The following MMP21 variants were observed in gnomAD, a reference collection of about 807,000 sequenced individuals.
The protein encoded by MMP21 is matrix metalloproteinase-21.
MMP21 carries 40 observed loss-of-function variants against 47.8 expected under a neutral mutation model. The ratio of observed to expected loss-of-function variants is 0.84; its 90% CI spans 0.65 to 1.09. The LOEUF (loss-of-function observed/expected upper bound fraction) is 1.09, where lower values mean the gene tolerates loss of function less well. Ranked by LOEUF, MMP21 falls within the 50% of genes least tolerant of loss-of-function variation. The probability of loss-of-function intolerance (pLI) is 0.00; values close to 1 mark genes in which losing one functional copy is unlikely to be tolerated. For synonymous variants in MMP21, 341 were observed against 318.0 expected, an observed-to-expected ratio of 1.07 and a Z score of -0.77; for missense variants, 747 against 775.3, an observed-to-expected ratio of 0.96 and a Z score of 0.43.
At chr10:125,771,749 G>A (rs1351988882) in intron 4 of MMP21, among the ~76,000 whole-genome samples, 2 of 152,146 alleles carry the variant, frequency 1.3e-5, no homozygotes, top group African/African-American at 4.8e-5. Flanking sequence ...CTTCCCTTGG[G>A]CCTCGGTACT....
Position 125,774,232 on chromosome 10 carries a change from G to A in MMP21, c.296C>T (p.Pro99Leu). Residue 99 changes from proline to leucine, a missense_variant, in exon 2 of 7, where the codon CCG becomes CTG. Physicochemically the swap from Pro to Leu is moderately conservative, Grantham distance 98. Coordinates refer to ENST00000368808, the MANE Select transcript of MMP21 (RefSeq NM_147191.1). ...VRRFQRANAL[P>L]ASGELDAATL... is the part of the protein sequence containing the mutation. ...GGCCGCGTCCAGCTCCCCGCTGGCC[G>A]GCAGCGCGTTCGCCCGCTGGAACCT... The A allele has an allele frequency of 1.4e-6, 2 of 1,396,724 alleles. No individual in the cohort carries two copies. The highest frequency in any genetic ancestry group is 3.1e-5 in the South Asian group (2 of 65,492). 86.5% of individuals were successfully genotyped at this position (1,396,724 alleles called of 1,614,324 possible).
At chr10:125,767,088 C>G (rs1478934761) in intron 6 of MMP21, 127 bp from the exon 7 acceptor site, 3 of 781,532 alleles carry the variant, frequency 3.8e-6, no homozygotes, top group Non-Finnish European at 5.9e-6. Flanking sequence ...TCTTAATTTT[C>G]CATCATGCTC....
At chr10:125,770,000 T>C (rs1850428134) in intron 5 of MMP21, among the ~76,000 whole-genome samples, 1 of 152,044 alleles carries the variant, frequency 6.6e-6, no homozygotes, top group Non-Finnish European at 1.5e-5. Flanking sequence ...AAAAATTGTT[T>C]TAATTAAGCC....
Position 125,772,668 on chromosome 10 carries a change from A to T in MMP21, c.780T>A (p.Phe260Leu). The T allele has an allele frequency of 6.2e-7, 1 of 1,614,232 alleles. No homozygotes were observed. Among genetic ancestry groups the T allele is most frequent in the Non-Finnish European group, 8.5e-7 (1 of 1,180,044 alleles). The change falls in exon 3 of 7, where the codon TTT becomes TTA. Residue 260 changes from phenylalanine to leucine, a missense_variant. Phe to Leu is a conservative substitution (Grantham distance 22, BLOSUM62 0). Transcript: ENST00000368808. The surrounding 1 kb of genome is among the most constrained non-coding windows in gnomAD (Gnocchi z 5.6). ...GAGGTGTGAAGTGCTCGTCGTCGTC[A>T]AAGTGAATGTCACCTAGGCGCCAGG... ...AHAWRLGDIH[F>L]DDDEHFTPPT...
chr10:125,775,483 C>CA (rs1443442326), intron 1 of MMP21, among the ~76,000 whole-genome samples, 177 bp downstream of exon 1: 2 of 152,366 alleles, frequency 1.3e-5, no homozygotes, highest in East Asian at 1.9e-4. Context: ...AGCATCGATT[C>CA]ATGGTTGTTC....
rs973743640 is a variant in MMP21, at chr10:125,772,496, C to G, written c.837+115G>C. On this transcript the variant is annotated intron_variant, in intron 3 of 6. Transcript: ENST00000368808. This position sits in a 1 kb window ranked among gnomAD's most constrained non-coding sequence, Gnocchi z 5.6. Reference sequence around the variant, plus strand: ...CCGGTGGAACTGGGGAGCCATTCCACGGATTCACCTCCTCAGAGGTTGCGG... The same window carrying G: ...CCGGTGGAACTGGGGAGCCATTCCAGGGATTCACCTCCTCAGAGGTTGCGG... 6.4e-6 allele frequency: 10 copies of G among 1,572,926 alleles called. No homozygotes were observed. Among genetic ancestry groups the G allele is most frequent in the Non-Finnish European group, 4.3e-6 (5 of 1,150,032 alleles).
intron 1 of MMP21, 86 bp from the exon 2 acceptor site, chr10:125,774,451 G>C (rs1398691649): frequency 2.1e-6 from 2 of 936,306 alleles, no homozygotes. Flanking sequence ...GAGAGACAGA[G>C]ACATGGGGAT....
rs1850487612 is a variant in MMP21 at position 125,774,138 on chromosome 10, C to T, written c.390G>A (p.Pro130=). 7.8e-7 allele frequency: 1 copy of T among 1,287,678 alleles called. No individual in the cohort carries two copies. The highest frequency in any genetic ancestry group is 9.8e-7 in the Non-Finnish European group (1 of 1,021,608). 79.8% of individuals were successfully genotyped at this position (1,287,678 alleles called of 1,614,324 possible). A position where few individuals can be genotyped will look rare whatever the true frequency, so the allele number is the denominator to read the frequency against. The change falls in exon 2 of 7, where the codon CCG becomes CCA. Residue 130 remains proline, a synonymous_variant. Transcript: ENST00000368808. The stretch of plus-strand genomic sequence containing the variant: ...TGGGGGGCGGGCCCGGGGGCGAAGG[C>T]GGGGCGGAGGGGGGCGGTGGGCGCA... ...PDMRPPPPSA[P]PSPPGPPPRA...
rs902471083 is a variant in MMP21 at position 125,773,459 on chromosome 10, A to G, written c.697+372T>C. Among the ~76,000 whole-genome samples the G allele has an allele frequency of 3.3e-5, 5 of 152,154 alleles. No homozygotes were observed. Among genetic ancestry groups the G allele is most frequent in the Admixed American group, 2.0e-4 (3 of 15,290 alleles). On this transcript the variant is annotated intron_variant, in intron 2 of 6. Transcript: ENST00000368808. The surrounding 1 kb of genome is among the most constrained non-coding windows in gnomAD (Gnocchi z 4.8). The stretch of plus-strand genomic sequence containing the variant: ...AGGTATTTTGTCCCGCATTTGTCCA[A>G]TTGTAAGACGGAGGTGGTGGCAACT...
Position 125,772,735 on chromosome 10 carries a change from C to T in MMP21, c.713G>A (p.Cys238Tyr), listed in dbSNP as rs1338234534. 6.2e-7 allele frequency: 1 copy of T among 1,613,796 alleles called. No homozygotes were observed. Among genetic ancestry groups the T allele is most frequent in the Non-Finnish European group, 8.5e-7 (1 of 1,180,008 alleles). The part of the protein sequence containing the change: ...LGFGRGRHLG[C>Y]PRAFDGSGQE... ...CCCGCTCCCATCGAAGGCCCGCGGA[C>T]AGCCCAGGTGCCGGCCTGGCGAGGG... The change falls in exon 3 of 7, where the codon TGT becomes TAT. Residue 238 changes from cysteine to tyrosine, a missense_variant. By Grantham distance (194) the Cys-to-Tyr change is radical. Transcript: ENST00000368808. This position sits in a 1 kb window ranked among gnomAD's most constrained non-coding sequence, Gnocchi z 5.6.
Position 125,770,525 on chromosome 10 carries a change from TC to T in MMP21, c.1045del (p.Glu349ArgfsTer2). 1 of 1,614,044 alleles carries T rather than the reference TC, an allele frequency of 6.2e-7. No individual in the cohort carries two copies. Among genetic ancestry groups the T allele is most frequent in the Non-Finnish European group, 8.5e-7 (1 of 1,180,026 alleles). ...ATATGTGCTAAATCTCACCATCACC[TC>T]TCCATATTGGTTTCTCTCTTTGCGA... ...WIRKERNQYG[E>X]VMVRFSTYFF... On this transcript the variant is annotated frameshift_variant, in exon 5 of 7. Transcript: ENST00000368808. LOFTEE classifies it high-confidence loss of function.
chr10:125,775,028 G>C (rs960711505), intron 1 of MMP21, among the ~76,000 whole-genome samples: 2 of 152,200 alleles, frequency 1.3e-5, no homozygotes, highest in Non-Finnish European at 2.9e-5. Context: ...CTGGCCTCTG[G>C]GGCACTGTGG....
chr10:125,775,609 G>GTGCGCGTGCGCATGTGCCTGTT (rs746285283), intron 1 of MMP21, 51 bp downstream of exon 1: 1 of 1,528,866 alleles, frequency 6.5e-7, no homozygotes, highest in South Asian at 1.3e-5. Context: ...ATGTGCCTGT[G>GTGCGCGTGCGCATGTGCCTGTT]TGCACGTGCA....
chr10:125,772,435 G>T lies in MMP21; in HGVS notation c.838-76C>A, dbSNP rs566852288. ...CCCTGCATAACAGACGCAGGCCTGT[G>T]CTTCGAGAGGAGCGTTGCTTGTGAA... is the stretch of plus-strand genomic sequence containing the variant. On this transcript the variant is annotated intron_variant, in intron 3 of 6. Transcript: ENST00000368808. This position sits in a 1 kb window ranked among gnomAD's most constrained non-coding sequence, Gnocchi z 5.6. 7.0e-5 allele frequency: 111 copies of T among 1,592,016 alleles called. 1 individual carries two copies. The Admixed American group carries it at 1.6e-3, about 22-fold the overall frequency.
chr10:125,772,251 A>T lies in MMP21; in HGVS notation c.946T>A (p.Trp316Arg). ...TTTTGAATTGCTTTCCTGTCTGACC[A>T]GTCCAACTCAAAGGCAGGCTCCTGG... Reference protein sequence around the residue: ...IPQEPAFELDWSDRKAIQKLY... With the variant: ...IPQEPAFELDRSDRKAIQKLY... The change falls in exon 4 of 7, where the codon TGG becomes AGG. Residue 316 changes from tryptophan (W) to arginine (R), a missense_variant. Transcript: ENST00000368808. This position sits in a 1 kb window ranked among gnomAD's most constrained non-coding sequence, Gnocchi z 5.6. The T allele has an allele frequency of 6.2e-7, 1 of 1,614,186 alleles. No homozygotes were observed. Among genetic ancestry groups the T allele is most frequent in the East Asian group, 2.2e-5 (1 of 44,876 alleles).
chr10:125,772,409 T>A lies in MMP21; in HGVS notation c.838-50A>T, dbSNP rs756413353. On this transcript the variant is annotated intron_variant, in intron 3 of 6. Coordinates refer to ENST00000368808, the MANE Select transcript of MMP21 (RefSeq NM_147191.1). The surrounding 1 kb of genome is among the most constrained non-coding windows in gnomAD (Gnocchi z 5.6). ...TGCTGGGTGAAGCCTGGGCGATGGA[T>A]CCCTGCATAACAGACGCAGGCCTGT... 6.2e-7 allele frequency: 1 copy of A among 1,610,650 alleles called. No homozygotes were observed. Among genetic ancestry groups the A allele is most frequent in the Non-Finnish European group, 8.5e-7 (1 of 1,178,220 alleles).
intron 5 of MMP21, among the ~76,000 whole-genome samples, chr10:125,769,432 C>T (rs1415699876): frequency 6.6e-6 from 1 of 152,254 alleles, no homozygotes; most frequent in African/African-American, 2.4e-5. Context: ...TCTAGCCTGA[C>T]CTCATCCCGG....
chr10:125,766,889 C>A lies in MMP21; in HGVS notation c.1483G>T (p.Ala495Ser). 1 of 1,612,634 alleles carries A rather than the reference C, an allele frequency of 6.2e-7. No homozygotes were observed. Among genetic ancestry groups the A allele is most frequent in the Non-Finnish European group, 8.5e-7 (1 of 1,179,530 alleles). Residue 495 changes from alanine to serine, a missense_variant, in exon 7 of 7, where the codon GCA (alanine) becomes TCA (serine). By Grantham distance (99) the Ala-to-Ser change is moderately conservative (BLOSUM62 1). Coordinates refer to ENST00000368808, the MANE Select transcript of MMP21 (RefSeq NM_147191.1). ...YPKRITEVFP[A>S]VIPQNHPFRN... is the part of the protein sequence containing the mutation. ...AAAGGATGATTTTGTGGTATTACTG[C>A]TGGAAAAACTTCAGTAATCCTCTTT...
chr10:125,775,812 C>G lies in MMP21; in HGVS notation c.10G>C (p.Ala4Pro). 1 of 1,607,648 alleles carries G rather than the reference C, an allele frequency of 6.2e-7. No individual in the cohort carries two copies. Among genetic ancestry groups the G allele is most frequent in the South Asian group, 1.1e-5 (1 of 90,206 alleles). ...AGCAGTGTCGGACGGAAGATGGAGGCGGCGAGCATTGGCCTGGTCTGAACC... is the reference window on the plus strand; with the variant it reads ...AGCAGTGTCGGACGGAAGATGGAGGGGGCGAGCATTGGCCTGGTCTGAACC... Reference protein sequence around the residue: MLAASIFRPTLLLC... With the variant: MLAPSIFRPTLLLC... Residue 4 changes from alanine to proline, a missense_variant, in exon 1 of 7, where the codon GCC (alanine) becomes CCC (proline). Physicochemically the swap from Ala to Pro is conservative, Grantham distance 27. Coordinates refer to ENST00000368808, the MANE Select transcript of MMP21 (RefSeq NM_147191.1).
Sources: gnomAD v4.1 joint callset for allele counts (sites outside exome capture counted in the v4.1 genomes callset) on GRCh38, gnomAD v4.1.1 for gene constraint, Gnocchi (gnomAD v3.1) non-coding constraint, MANE v1.5 for transcripts, NCBI Gene and HGNC (gene_info 2026-07-23, HGNC 2026-07-21) for gene names.